Variants in ANO4 observed in about 807,000 individuals in gnomAD.
ANO4 encodes the protein anoctamin-4.
A neutral mutation model predicts 141.9 loss-of-function variants in ANO4; 69 were observed. The observed-to-expected ratio is 0.49, with a 90% CI of 0.40 to 0.59. The LOEUF (loss-of-function observed/expected upper bound fraction) is 0.59, where lower values mean the gene tolerates loss of function less well. Among genes scored for constraint, ANO4 ranks in the 20% least tolerant of loss-of-function variants. The pLI is 0.00. For missense variants in ANO4, 894 were observed against 1,162.2 expected (o/e 0.77, Z 3.36); for synonymous variants, 350 against 394.3 (o/e 0.89, Z 1.33).
At chr12:100,960,276 A>C (rs1052624608) in intron 5 of ANO4, among the ~76,000 whole-genome samples, 76 of 151,890 alleles carry the variant, frequency 5.0e-4, no homozygotes, top group Admixed American at 1.4e-3. Context: ...ACACACACAC[A>C]CCCTATAAAG....
chr12:100,914,543 C>T (rs187950697), intron 2 of ANO4, among the ~76,000 whole-genome samples: 37 of 152,252 alleles, frequency 2.4e-4, no homozygotes, highest in Non-Finnish European at 2.2e-4. Flanking sequence ...ATTTTTTGCA[C>T]GTATGAAGCA....
At chr12:100,838,080 A>G (rs2037037963) in intron 1 of ANO4, among the ~76,000 whole-genome samples, 1 of 151,922 alleles carries the variant, frequency 6.6e-6, no homozygotes, top group South Asian at 2.1e-4. Flanking sequence ...CCTTGTGATT[A>G]TTGAGTATGA....
intron 1 of ANO4, among the ~76,000 whole-genome samples, chr12:100,819,101 G>A (rs1006449594): frequency 3.4e-5 from 5 of 146,622 alleles, no homozygotes. Flanking sequence ...AATAACCTGA[G>A]TAATGACATT....
intron 11 of ANO4, among the ~76,000 whole-genome samples, chr12:101,041,532 C>A (rs369272271): frequency 3.9e-5 from 6 of 151,992 alleles, no homozygotes; most frequent in East Asian, 1.9e-4. Context: ...TAAGATTTTG[C>A]GGTTTTGGTT....
At chr12:101,087,214 A>G (rs2049541008) in intron 17 of ANO4, among the ~76,000 whole-genome samples, 1 of 152,156 alleles carries the variant, frequency 6.6e-6, no homozygotes, top group Non-Finnish European at 1.5e-5. Flanking sequence ...ATAGGAAGAT[A>G]GACAGTATCC....
chr12:101,099,534 A>G, intron 21 of ANO4, 44 bp from the exon 22 acceptor site: 3 of 1,539,170 alleles, frequency 1.9e-6, no homozygotes, highest in Non-Finnish European at 2.6e-6. Context: ...CCTAAGTCAT[A>G]TGATCAGTTA....
intron 15 of ANO4, among the ~76,000 whole-genome samples, chr12:101,080,920 TATAA>T (rs1217259674): frequency 3.7e-4 from 43 of 114,834 alleles, no homozygotes; most frequent in Middle Eastern, 4.6e-3. Context: ...TATACATATA[TATAA>T]ATAGATTTTC....
chr12:101,077,535 A>G (rs896036344), intron 14 of ANO4, among the ~76,000 whole-genome samples: 1 of 152,122 alleles, frequency 6.6e-6, no homozygotes, highest in Non-Finnish European at 1.5e-5. Context: ...TTTAATTTCT[A>G]TCTTCCAGAA....
intron 1 of ANO4, among the ~76,000 whole-genome samples, chr12:100,800,797 G>T (rs900517497): frequency 6.6e-6 from 1 of 152,156 alleles, no homozygotes; most frequent in African/African-American, 2.4e-5. Context: ...ACAGTGTACA[G>T]CCCTTGCTTC....
chr12:101,111,565 A>T lies in ANO4; in HGVS notation c.2305A>T (p.Ile769Phe). The change falls in exon 24 of 28, where the codon ATT becomes TTT. Residue 769 changes from isoleucine to phenylalanine, a missense_variant and splice_region_variant. Physicochemically the swap from Ile to Phe is conservative, Grantham distance 21. Around this residue, in one of 2 missense-constraint regions of ANO4, gnomAD observed 637 missense variants for 909.2 expected, o/e 0.70. Coordinates refer to ENST00000392977, the MANE Select transcript of ANO4 (RefSeq NM_001286615.2). ...ACACAACACTTCTATTTGAATAGGA[A>T]TTTGGTATGGAATTCTTGAAGGCAT... The part of the protein sequence containing the change: ...PLASRAKDIG[I>F]WYGILEGIGI... The T allele has an allele frequency of 6.2e-7, 1 of 1,602,108 alleles. No homozygotes were observed.
chr12:101,048,395 G>T lies in ANO4; in HGVS notation c.1306G>T (p.Val436Phe), dbSNP rs1047707969. The T allele has an allele frequency of 6.2e-7, 1 of 1,613,620 alleles. No individual in the cohort carries two copies. The highest frequency in any genetic ancestry group is 1.3e-5 in the African/African-American group (1 of 75,028). Reference protein sequence around the residue: ...ATVFFAVFMAVWATVFLEFWK... With the variant: ...ATVFFAVFMAFWATVFLEFWK... ...TGTCTTCTTTGCTGTTTTCATGGCA[G>T]TCTGGGGTAAGTGTTCTATAACCAT... Residue 436 changes from valine to phenylalanine, a missense_variant, in exon 14 of 28, where the codon GTC (valine) becomes TTC (phenylalanine). Val to Phe is a conservative substitution (Grantham distance 50). Transcript: ENST00000392977.
At chr12:101,041,066 T>C (rs1291589883) in intron 11 of ANO4, among the ~76,000 whole-genome samples, 1 of 152,230 alleles carries the variant, frequency 6.6e-6, no homozygotes, top group African/African-American at 2.4e-5. Context: ...TCTATTTATT[T>C]AGAGGCTGGT....
intron 26 of ANO4, among the ~76,000 whole-genome samples, chr12:101,124,254 C>T (rs2051215553): frequency 6.6e-6 from 1 of 152,098 alleles, no homozygotes; most frequent in Admixed American, 6.6e-5. Context: ...TTGTTGGCTG[C>T]ATGAATGTCT....
intron 3 of ANO4, among the ~76,000 whole-genome samples, chr12:100,777,577 C>A (rs1005799958): frequency 2.0e-5 from 3 of 151,846 alleles, no homozygotes; most frequent in Non-Finnish European, 4.4e-5. Context: ...TTTATAGATT[C>A]CATTAGTTAA....
At chr12:101,066,386 A>G (rs1006458453) in intron 14 of ANO4, among the ~76,000 whole-genome samples, 2 of 152,240 alleles carry the variant, frequency 1.3e-5, no homozygotes, top group Non-Finnish European at 1.5e-5. Context: ...CCAAAAATCT[A>G]TTAGAGCTGA....
chr12:101,063,911 T>C (rs2048464960), intron 14 of ANO4, among the ~76,000 whole-genome samples: 1 of 151,816 alleles, frequency 6.6e-6, no homozygotes, highest in South Asian at 2.1e-4. Flanking sequence ...ATTAATGTCT[T>C]CTCTTTTCCT....
chr12:100,931,020 G>A (rs2042070629), intron 3 of ANO4, among the ~76,000 whole-genome samples: 1 of 152,062 alleles, frequency 6.6e-6, no homozygotes, highest in African/African-American at 2.4e-5. Context: ...GAAGCATTAT[G>A]TCCTTTCTAA....
chr12:100,870,303 A>T (rs1388613259), intron 1 of ANO4, among the ~76,000 whole-genome samples: 3 of 152,220 alleles, frequency 2.0e-5, no homozygotes, highest in Admixed American at 6.5e-5. Context: ...CCATAGCATC[A>T]TATGACTCCT....
At chr12:100,908,628 C>G (rs890200141) in intron 2 of ANO4, among the ~76,000 whole-genome samples, 1 of 152,170 alleles carries the variant, frequency 6.6e-6, no homozygotes, top group Admixed American at 6.5e-5. Context: ...ACAAATGCAT[C>G]ATAGTTCTCT....
Sources: allele counts gnomAD v4.1 joint callset (sites outside exome capture counted in the v4.1 genomes callset), GRCh38; gene constraint gnomAD v4.1.1; regional missense constraint gnomAD v4.1.1; transcripts MANE v1.5; gene names NCBI Gene and HGNC (gene_info 2026-07-23, HGNC 2026-07-21).